RELN: variants seen among roughly 807,000 people sequenced by gnomAD.
RELN encodes the protein reelin.
Under a neutral mutation model 427.6 loss-of-function variants are expected in RELN, and 108 were observed. The observed-to-expected ratio is 0.25, with a 90% CI of 0.22 to 0.30. RELN has a LOEUF of 0.30. Ranked by LOEUF, RELN falls within the 10% of genes least tolerant of loss-of-function variation. The pLI is 1.00. For missense variants in RELN, 3,715 were observed against 4,302.8 expected (o/e 0.86, Z 3.82); for synonymous variants, 1,524 against 1,513.4 (o/e 1.01, Z -0.16).
At chr7:103,496,453 G>A in intron 56 of RELN, 73 bp downstream of exon 56, 1 of 1,589,814 alleles carries the variant, frequency 6.3e-7, no homozygotes, top group South Asian at 1.1e-5. Context: ...CTTTTCATGT[G>A]CTAATCTATC....
intron 36 of RELN, among the ~76,000 whole-genome samples, chr7:103,559,969 G>A (rs969213678): frequency 5.3e-5 from 8 of 152,154 alleles, no homozygotes; most frequent in Non-Finnish European, 1.0e-4. Flanking sequence ...CTCATAAAGG[G>A]ACCTATTTTA....
At position 103,510,928 on chromosome 7, in the gene RELN, C is replaced by T. The variant is rs1419268282; in HGVS notation, c.8197G>A (p.Gly2733Ser). The T allele has an allele frequency of 1.2e-6, 2 of 1,612,390 alleles. No individual in the cohort carries two copies. The highest frequency in any genetic ancestry group is 8.5e-7 in the Non-Finnish European group (1 of 1,178,578). ...CDSPDGVMLCGSHDGREVYAV... is the reference protein window; with the variant it reads ...CDSPDGVMLCSSHDGREVYAV... Reference sequence around the variant, plus strand: ...TACACCTCCCGTCCATCATGACTGCCACAGAGCATCACACCATCAGGGGAG... The same window carrying T: ...TACACCTCCCGTCCATCATGACTGCTACAGAGCATCACACCATCAGGGGAG... Residue 2733 changes from glycine to serine, a missense_variant, in exon 51 of 65, where the codon GGC becomes AGC. By Grantham distance (56) the Gly-to-Ser change is moderately conservative. Coordinates refer to ENST00000428762, the MANE Select transcript of RELN (RefSeq NM_005045.4).
chr7:103,487,586 C>T (rs57955714), intron 60 of RELN, among the ~76,000 whole-genome samples: 2,294 of 151,944 alleles, frequency 0.015, 68 homozygotes, highest in African/African-American at 0.053. Context: ...TTTACTAAAA[C>T]ACGTAGTGCT....
chr7:103,888,131 C>T (rs1442043368), intron 2 of RELN, among the ~76,000 whole-genome samples: 2 of 152,070 alleles, frequency 1.3e-5, no homozygotes, highest in Admixed American at 6.5e-5. Flanking sequence ...ACTCATCCTC[C>T]AGTCTGTCTC....
intron 28 of RELN, among the ~76,000 whole-genome samples, chr7:103,586,206 T>C (rs139657609): frequency 2.4e-3 from 365 of 151,716 alleles, no homozygotes; most frequent in African/African-American, 8.4e-3. Context: ...TACTAAAAAA[T>C]ACAAAAATTA....
intron 3 of RELN, among the ~76,000 whole-genome samples, chr7:103,827,435 AACT>A (rs1793170973): frequency 6.6e-6 from 1 of 152,072 alleles, no homozygotes; most frequent in Non-Finnish European, 1.5e-5. Flanking sequence ...TAACAAAAAT[AACT>A]TCTTCAAGCC....
intron 2 of RELN, among the ~76,000 whole-genome samples, chr7:103,853,750 A>G (rs890812011): frequency 2.0e-5 from 3 of 152,082 alleles, no homozygotes; most frequent in Non-Finnish European, 4.4e-5. Context: ...AATATGTTAG[A>G]ACATGAGTTT....
Position 103,553,742 on chromosome 7 carries a change from A to T in RELN, c.5887T>A (p.Phe1963Ile). ...AACCAATTGTCTTCTCTGGGCCCAA[A>T]ATCAAATGTATCCAAGAGCATCACA... ...NPVMLLDTFD[F>I]GPREDNWFFY... is the part of the protein sequence containing the mutation. Residue 1963 changes from phenylalanine (F) to isoleucine (I), a missense_variant, in exon 39 of 65, where the codon TTT (phenylalanine) becomes ATT (isoleucine). Coordinates refer to ENST00000428762, the MANE Select transcript of RELN (RefSeq NM_005045.4). 6.2e-7 allele frequency: 1 copy of T among 1,614,006 alleles called. No individual in the cohort carries two copies. The highest frequency in any genetic ancestry group is 8.5e-7 in the Non-Finnish European group (1 of 1,179,886).
chr7:103,850,254 C>G (rs1793790227), intron 2 of RELN, among the ~76,000 whole-genome samples: 1 of 152,192 alleles, frequency 6.6e-6, no homozygotes, highest in African/African-American at 2.4e-5. Context: ...CCAGGAGACA[C>G]CCCAAATACT....
chr7:103,693,316 G>C (rs1224944738), intron 10 of RELN, among the ~76,000 whole-genome samples: 3 of 150,780 alleles, frequency 2.0e-5, no homozygotes, highest in Non-Finnish European at 1.5e-5. Context: ...GACACAGGGA[G>C]GGGAACATCA....
intron 45 of RELN, among the ~76,000 whole-genome samples, chr7:103,537,450 G>A (rs780030140): frequency 6.6e-6 from 1 of 152,130 alleles, no homozygotes; most frequent in South Asian, 2.1e-4. Flanking sequence ...CCCCATGCCT[G>A]CTTCTTAAGG....
intron 2 of RELN, among the ~76,000 whole-genome samples, chr7:103,895,760 T>A (rs1029377044): frequency 9.9e-5 from 15 of 152,116 alleles, no homozygotes; most frequent in African/African-American, 3.6e-4. Context: ...ACCTGGAGCA[T>A]ACGTTAAAAA....
At chr7:103,804,742 A>G (rs748322857) in intron 3 of RELN, among the ~76,000 whole-genome samples, 1 of 152,166 alleles carries the variant, frequency 6.6e-6, no homozygotes, top group Non-Finnish European at 1.5e-5. Context: ...GTAACAAATC[A>G]AACTCCTTAA....
chr7:103,973,940 C>T (rs1443478893), intron 1 of RELN, among the ~76,000 whole-genome samples: 2 of 152,088 alleles, frequency 1.3e-5, no homozygotes. Context: ...ATTAGGAGTT[C>T]GAGACCAGCC....
intron 1 of RELN, among the ~76,000 whole-genome samples, chr7:103,983,561 C>T (rs917894777): frequency 3.3e-5 from 5 of 152,088 alleles, no homozygotes; most frequent in Admixed American, 6.6e-5. Context: ...GCTTTTAAAA[C>T]GCTTTTGCTT....
chr7:103,548,441 C>T (rs362771), intron 41 of RELN, among the ~76,000 whole-genome samples: 6,815 of 152,256 alleles, frequency 0.045, 222 homozygotes, highest in East Asian at 0.17. Flanking sequence ...CTTTTGCCTT[C>T]CAGCCATTCA....
chr7:103,734,722 T>A (rs1186000380), intron 6 of RELN, among the ~76,000 whole-genome samples: 1 of 152,184 alleles, frequency 6.6e-6, no homozygotes, highest in African/African-American at 2.4e-5. Context: ...TGATTTCTTA[T>A]CCAATATTGT....
intron 3 of RELN, among the ~76,000 whole-genome samples, chr7:103,816,665 C>T (rs753185908): frequency 6.6e-6 from 1 of 151,980 alleles, no homozygotes; most frequent in Non-Finnish European, 1.5e-5. Flanking sequence ...GTAAGACCAA[C>T]ATTCTCTATT....
chr7:103,653,686 G>A (rs1003858282), intron 13 of RELN, among the ~76,000 whole-genome samples: 1 of 151,936 alleles, frequency 6.6e-6, no homozygotes, highest in African/African-American at 2.4e-5. Context: ...AGTTAGCAAA[G>A]AAAAAAGCAA....
Sources: gnomAD v4.1 joint callset for allele counts (sites outside exome capture counted in the v4.1 genomes callset) on GRCh38, gnomAD v4.1.1 for gene constraint, MANE v1.5 for transcripts, NCBI Gene and HGNC (gene_info 2026-07-23, HGNC 2026-07-21) for gene names.